Variants in ARB2A observed in about 807,000 individuals in gnomAD.
The protein encoded by ARB2A is cotranscriptional regulator ARB2A.
chr5:93,680,132 A>C, the ARB2A span, among the ~76,000 whole-genome samples: 2 of 152,132 alleles, frequency 1.3e-5, no homozygotes, highest in African/African-American at 4.8e-5. Context: ...CACACTTTCA[A>C]AGATTCCATC....
chr5:93,661,656 TA>T, the ARB2A span, among the ~76,000 whole-genome samples: 116,639 of 150,734 alleles, frequency 0.77, 46,426 homozygotes, highest in East Asian at 0.95. Flanking sequence ...GCTGATCAGC[TA>T]AAAAAAAAAA....
chr5:93,852,308 T>G, the ARB2A span, among the ~76,000 whole-genome samples: 3 of 152,206 alleles, frequency 2.0e-5, no homozygotes, highest in African/African-American at 7.2e-5. Context: ...GTTGTTTGTT[T>G]TTTTCTTGTA....
the ARB2A span, among the ~76,000 whole-genome samples, chr5:93,936,322 T>C: frequency 1.3e-5 from 2 of 151,984 alleles, no homozygotes; most frequent in Non-Finnish European, 2.9e-5. Context: ...GAATACAGAG[T>C]GAGAGATTAT....
At chr5:93,663,659 T>G in the ARB2A span, among the ~76,000 whole-genome samples, 969 of 152,272 alleles carry the variant, frequency 6.4e-3, 10 homozygotes, top group African/African-American at 0.022. Context: ...ACATCTCAAC[T>G]GGGCTTTGGT....
the ARB2A span, chr5:94,074,510 G>A: frequency 3.3e-6 from 2 of 608,000 alleles, no homozygotes; most frequent in South Asian, 4.6e-5. Context: ...TGCTGTGAGG[G>A]ATATAAATAA....
chr5:94,076,213 T>C, the ARB2A span, among the ~76,000 whole-genome samples: 16 of 152,312 alleles, frequency 1.1e-4, 1 homozygote, highest in South Asian at 1.9e-3. Flanking sequence ...AAGGTATATA[T>C]AGCCAATCAT....
At chr5:93,701,840 G>A in the ARB2A span, among the ~76,000 whole-genome samples, 1 of 152,002 alleles carries the variant, frequency 6.6e-6, no homozygotes, top group Non-Finnish European at 1.5e-5. Context: ...CATATCACAT[G>A]GCTTACTTGC....
the ARB2A span, among the ~76,000 whole-genome samples, chr5:93,834,950 C>T: frequency 0.013 from 2,048 of 152,250 alleles, 48 homozygotes; most frequent in African/African-American, 0.047. Context: ...CCCATGAATT[C>T]CACATTAGAG....
At chr5:93,795,916 A>AT in the ARB2A span, among the ~76,000 whole-genome samples, 2 of 152,138 alleles carry the variant, frequency 1.3e-5, no homozygotes, top group African/African-American at 2.4e-5. Flanking sequence ...GAATGATTGG[A>AT]TTTTCTGAAT....
chr5:93,852,369 A>G, the ARB2A span, among the ~76,000 whole-genome samples: 7 of 152,010 alleles, frequency 4.6e-5, no homozygotes, highest in Admixed American at 2.6e-4. Flanking sequence ...TTGTCAGATG[A>G]GTAGATTGCA....
chr5:94,087,300 G>A, the ARB2A span, among the ~76,000 whole-genome samples: 28 of 152,098 alleles, frequency 1.8e-4, no homozygotes, highest in East Asian at 5.0e-3. Flanking sequence ...CCACCTACTC[G>A]GGGGGCTAAG....
chr5:93,819,012 C>A, the ARB2A span, among the ~76,000 whole-genome samples: 1 of 151,288 alleles, frequency 6.6e-6, no homozygotes, highest in Non-Finnish European at 1.5e-5. Context: ...ACGGTGAAAC[C>A]CCGTCTCTAC....
chr5:93,914,616 T>C, the ARB2A span, among the ~76,000 whole-genome samples: 1 of 151,772 alleles, frequency 6.6e-6, no homozygotes, highest in Non-Finnish European at 1.5e-5. Flanking sequence ...TTATCAGAAA[T>C]ACATAGAAGC....
At chr5:93,894,508 G>A in the ARB2A span, among the ~76,000 whole-genome samples, 1 of 152,108 alleles carries the variant, frequency 6.6e-6, no homozygotes, top group Non-Finnish European at 1.5e-5. Context: ...CCTGCTGAAT[G>A]CAAAGTGAAG....
chr5:93,707,805 C>T, the ARB2A span, among the ~76,000 whole-genome samples: 1 of 152,028 alleles, frequency 6.6e-6, no homozygotes. Context: ...GTACTCCTGA[C>T]CTCAGGTGAT....
chr5:93,928,775 C>A, the ARB2A span, among the ~76,000 whole-genome samples: 1 of 151,792 alleles, frequency 6.6e-6, no homozygotes, highest in Non-Finnish European at 1.5e-5. Context: ...TATGAAGGTT[C>A]CAAATTTAGA....
chr5:93,839,491 T>C, the ARB2A span, among the ~76,000 whole-genome samples: 1 of 152,110 alleles, frequency 6.6e-6, no homozygotes. Flanking sequence ...AATTTTTTTG[T>C]TGTGTCTCTG....
chr5:93,733,891 G>A, the ARB2A span: 1 of 152,104 alleles, frequency 6.6e-6, no homozygotes, highest in Admixed American at 6.6e-5. Flanking sequence ...AATAGATTTT[G>A]CCAAGAAAAC....
the ARB2A span, among the ~76,000 whole-genome samples, chr5:93,812,694 T>C: frequency 2.6e-5 from 4 of 152,328 alleles, no homozygotes; most frequent in East Asian, 5.8e-4. Flanking sequence ...TATGCCTATT[T>C]AGGCACAAAT....
Sources: gnomAD v4.1 joint callset for allele counts (sites outside exome capture counted in the v4.1 genomes callset) on GRCh38, gnomAD v4.1.1 for gene constraint, MANE v1.5 for transcripts, NCBI Gene and HGNC (gene_info 2026-07-23, HGNC 2026-07-21) for gene names.